The following DCUN1D5 variants were observed in gnomAD, a reference collection of about 807,000 sequenced individuals.
DCUN1D5 encodes the protein defective in cullin neddylation 1 domain containing 5.
A neutral mutation model predicts 38.3 loss-of-function variants in DCUN1D5; 10 were observed. The observed-to-expected ratio is 0.26, with a 90% confidence interval of 0.16 to 0.44. The LOEUF is 0.44. Ranked by LOEUF, DCUN1D5 falls within the 20% of genes least tolerant of loss-of-function variation. DCUN1D5 has a pLI of 1.00. For synonymous variants in DCUN1D5, 93 were observed against 90.9 expected, an observed-to-expected ratio of 1.02 and a Z score of -0.13; for missense variants, 148 against 275.3, an observed-to-expected ratio of 0.54 and a Z score of 3.27.
rs548523025 is a variant in DCUN1D5 at position 103,063,777 on chromosome 11, T to C, written c.658+498A>G. On this transcript the variant is annotated intron_variant, in intron 7 of 7. Coordinates refer to ENST00000260247, the MANE Select transcript of DCUN1D5 (RefSeq NM_032299.4). This position sits in a 1 kb window ranked among gnomAD's most constrained non-coding sequence, Gnocchi z 4.6. ...TGGACAGATATTTTAACTTGACGGA[T>C]TGAAAAATTATAACTATTTCACTAT... is the stretch of plus-strand genomic sequence containing the variant. Among the ~76,000 whole-genome samples the C allele has an allele frequency of 2.0e-5, 3 of 152,314 alleles. No individual in the cohort carries two copies. The highest frequency in any genetic ancestry group is 2.0e-4 in the Admixed American group (3 of 15,304).
In DCUN1D5 at chr11:103,087,184, T is replaced by G. The variant is rs1053464414; in HGVS notation, c.178+2043A>C. 1.3e-5 allele frequency among the ~76,000 whole-genome samples: 2 copies of G among 150,986 alleles called. No individual in the cohort carries two copies. Among genetic ancestry groups the G allele is most frequent in the African/African-American group, 4.9e-5 (2 of 41,144 alleles). ...CTTTTTTTCTTTTTCTTTTTTTTTTTTTTTGAGGCAGAGTCTCACTCTGTC... is the reference window on the plus strand; with the variant it reads ...CTTTTTTTCTTTTTCTTTTTTTTTTGTTTTGAGGCAGAGTCTCACTCTGTC... On this transcript the variant is annotated intron_variant, in intron 2 of 7. Coordinates refer to ENST00000260247, the MANE Select transcript of DCUN1D5 (RefSeq NM_032299.4). The surrounding 1 kb of genome is among the most constrained non-coding windows in gnomAD (Gnocchi z 4.1).
chr11:103,079,955 A>G (rs1862513864), intron 4 of DCUN1D5: 2 of 152,206 alleles, frequency 1.3e-5, no homozygotes, highest in South Asian at 4.1e-4. Context: ...ATACCCACAA[A>G]TTCTTTCACA....
chr11:103,077,869 T>C lies in DCUN1D5; in HGVS notation c.341+4879A>G, dbSNP rs779316669. The stretch of plus-strand genomic sequence containing the variant: ...ATTTGAAAATGTGCAGAGGGGCATT[T>C]TGAAATTGTCATAATGACCTTAAGA... On this transcript the variant is annotated intron_variant, in intron 4 of 7. Transcript: ENST00000260247. This position sits in a 1 kb window ranked among gnomAD's most constrained non-coding sequence, Gnocchi z 4.3. Among the ~76,000 whole-genome samples the C allele has an allele frequency of 6.6e-6, 1 of 152,186 alleles. No homozygotes were observed. The highest frequency in any genetic ancestry group is 1.5e-5 in the Non-Finnish European group (1 of 68,034).
In DCUN1D5 at chr11:103,071,636, T is replaced by C. The variant is rs1022305170; in HGVS notation, c.342-5069A>G. Among the ~76,000 whole-genome samples, 1 of 150,750 alleles carries C rather than the reference T, an allele frequency of 6.6e-6. No homozygotes were observed. The highest frequency in any genetic ancestry group is 2.4e-5 in the African/African-American group (1 of 41,250). On this transcript the variant is annotated intron_variant, in intron 4 of 7. Transcript: ENST00000260247. The surrounding 1 kb of genome is among the most constrained non-coding windows in gnomAD (Gnocchi z 4.1). ...CAGATTTTTACATAGATATAAAAAT[T>C]CTACATATGTAACAATTTTTCTACA...
intron 2 of DCUN1D5, among the ~76,000 whole-genome samples, chr11:103,084,394 G>A (rs1414835728): frequency 6.6e-6 from 1 of 152,146 alleles, no homozygotes; most frequent in East Asian, 1.9e-4. Flanking sequence ...TGCTGCCTGA[G>A]ATCCAAGCTG....
At chr11:103,069,012 G>C (rs1016540489) in intron 4 of DCUN1D5, among the ~76,000 whole-genome samples, 8 of 152,148 alleles carry the variant, frequency 5.3e-5, no homozygotes, top group Admixed American at 5.2e-4. Flanking sequence ...AATAAGTATA[G>C]ACGAATGCTT....
chr11:103,085,374 T>C (rs1862676636), intron 2 of DCUN1D5, among the ~76,000 whole-genome samples: 1 of 152,142 alleles, frequency 6.6e-6, no homozygotes, highest in Non-Finnish European at 1.5e-5. Context: ...GTGGCAGAGG[T>C]TGCAGTGAGC....
chr11:103,062,477 A>G lies in DCUN1D5; in HGVS notation c.659-63T>C. ...AACTCATCTCTCCAATTATAAAACA[A>G]ACTCCCCACGAGCTCTGCAATGACA... On this transcript the variant is annotated intron_variant, in intron 7 of 7. Coordinates refer to ENST00000260247, the MANE Select transcript of DCUN1D5 (RefSeq NM_032299.4). This position sits in a 1 kb window ranked among gnomAD's most constrained non-coding sequence, Gnocchi z 4.6. 7.0e-7 allele frequency: 1 copy of G among 1,418,520 alleles called. No homozygotes were observed. The highest frequency in any genetic ancestry group is 9.9e-7 in the Non-Finnish European group (1 of 1,010,858). The allele number at this position is 1,418,520 out of a possible 1,614,324, so 87.9% of individuals were successfully genotyped here.
intron 3 of DCUN1D5, 147 bp from the exon 4 acceptor site, chr11:103,082,986 A>G (rs1862604793): frequency 1.0e-5 from 7 of 667,698 alleles, no homozygotes; most frequent in Non-Finnish European, 1.8e-5. Context: ...ACTATATACA[A>G]AGAAATTGAG....
chr11:103,061,019 C>G lies in DCUN1D5; in HGVS notation c.*1340G>C. ...GTTTCAGAAAACTGTACAAAGTAAT[C>G]TTATTAAGAAGGCAAGTAAAACAGT... is the stretch of plus-strand genomic sequence containing the variant. On this transcript the variant is annotated 3_prime_UTR_variant, in exon 8 of 8. Transcript: ENST00000260247. Among the ~76,000 whole-genome samples, 1 of 152,080 alleles carries G rather than the reference C, an allele frequency of 6.6e-6. No individual in the cohort carries two copies. The highest frequency in any genetic ancestry group is 1.5e-5 in the Non-Finnish European group (1 of 67,984).
At position 103,065,227 on chromosome 11, in the gene DCUN1D5, C is replaced by T. The variant is rs1412712732; in HGVS notation, c.556-850G>A. Among the ~76,000 whole-genome samples the T allele has an allele frequency of 6.6e-6, 1 of 151,804 alleles. No homozygotes were observed. Among genetic ancestry groups the T allele is most frequent in the Non-Finnish European group, 1.5e-5 (1 of 67,994 alleles). Reference sequence around the variant, plus strand: ...AGTGTAGTGGTGCAATCTCAGCTTACTGCAACCTCCACCTCCCTGGTTCAA... The same window carrying T: ...AGTGTAGTGGTGCAATCTCAGCTTATTGCAACCTCCACCTCCCTGGTTCAA... On this transcript the variant is annotated intron_variant, in intron 6 of 7. Coordinates refer to ENST00000260247, the MANE Select transcript of DCUN1D5 (RefSeq NM_032299.4). This position sits in a 1 kb window ranked among gnomAD's most constrained non-coding sequence, Gnocchi z 4.6.
In DCUN1D5 at chr11:103,051,928, C is replaced by T. The variant is rs1460844154; in HGVS notation, c.*10431G>A. 1.3e-5 allele frequency: 2 copies of T among 152,198 alleles called. No individual in the cohort carries two copies. Among genetic ancestry groups the T allele is most frequent in the Admixed American group, 1.3e-4 (2 of 15,270 alleles). 9.4% of individuals were successfully genotyped at this position (152,198 alleles called of 1,614,324 possible). On this transcript the variant is annotated 3_prime_UTR_variant, in exon 8 of 8. Coordinates refer to ENST00000260247, the MANE Select transcript of DCUN1D5 (RefSeq NM_032299.4). The stretch of plus-strand genomic sequence containing the variant: ...AGTAGCCCCAGCCTTCATCGCGTCT[C>T]ATCTGCTCTGAAAATCCACTTTGAC...
rs936184644 is a variant in DCUN1D5, at chr11:103,073,420, T to C, written c.342-6853A>G. Among the ~76,000 whole-genome samples the C allele has an allele frequency of 6.6e-6, 1 of 152,166 alleles. No homozygotes were observed. Among genetic ancestry groups the C allele is most frequent in the African/African-American group, 2.4e-5 (1 of 41,444 alleles). ...CCAAAATCTCAGCAAGATATTTTTGTAAAGAAAAGACTATTCTAAAATTTA... is the reference window on the plus strand; with the variant it reads ...CCAAAATCTCAGCAAGATATTTTTGCAAAGAAAAGACTATTCTAAAATTTA... On this transcript the variant is annotated intron_variant, in intron 4 of 7. Transcript: ENST00000260247. The surrounding 1 kb of genome is among the most constrained non-coding windows in gnomAD (Gnocchi z 4.2).
intron 4 of DCUN1D5, among the ~76,000 whole-genome samples, chr11:103,072,529 A>C (rs887357505): frequency 3.3e-4 from 50 of 152,148 alleles, no homozygotes; most frequent in African/African-American, 1.2e-3. Flanking sequence ...CATCAATGAT[A>C]GACTGGATTA....
Position 103,053,306 on chromosome 11 carries a change from C to T in DCUN1D5, c.*9053G>A, listed in dbSNP as rs1055641821. The T allele has an allele frequency of 2.7e-5, 4 of 149,982 alleles. No individual in the cohort carries two copies. The highest frequency in any genetic ancestry group is 1.3e-4 in the Admixed American group (2 of 14,864). 9.3% of individuals were successfully genotyped at this position (149,982 alleles called of 1,614,324 possible). On this transcript the variant is annotated 3_prime_UTR_variant, in exon 8 of 8. Coordinates refer to ENST00000260247, the MANE Select transcript of DCUN1D5 (RefSeq NM_032299.4). The surrounding 1 kb of genome is among the most constrained non-coding windows in gnomAD (Gnocchi z 4.8). The stretch of plus-strand genomic sequence containing the variant: ...CCATTTAATGAACCATTTCACTATA[C>T]TGCCTACAAAGAAAGCAAGTAATAC...
At position 103,062,530 on chromosome 11, in the gene DCUN1D5, G is replaced by T; in HGVS notation, c.659-116C>A. The T allele has an allele frequency of 1.2e-6, 1 of 854,170 alleles. No homozygotes were observed. The highest frequency in any genetic ancestry group is 1.9e-6 in the Non-Finnish European group (1 of 537,856). The allele number at this position is 854,170 out of a possible 1,614,324, so 52.9% of individuals were successfully genotyped here. On this transcript the variant is annotated intron_variant, in intron 7 of 7. Coordinates refer to ENST00000260247, the MANE Select transcript of DCUN1D5 (RefSeq NM_032299.4). The surrounding 1 kb of genome is among the most constrained non-coding windows in gnomAD (Gnocchi z 4.6). ...GGAATGACCCTTCCTTTCTTTGGGT[G>T]TTCTGCTTCTAGACACCTTATTCCA...
chr11:103,070,884 TG>T (rs1395292002), intron 4 of DCUN1D5, among the ~76,000 whole-genome samples: 2 of 151,948 alleles, frequency 1.3e-5, no homozygotes, highest in African/African-American at 4.8e-5. Flanking sequence ...CTGACAACAA[TG>T]GAATCAAACT....
chr11:103,080,461 A>G (rs1862530393), intron 4 of DCUN1D5, among the ~76,000 whole-genome samples: 1 of 152,190 alleles, frequency 6.6e-6, no homozygotes, highest in Admixed American at 6.5e-5. Flanking sequence ...GACTTGGCCA[A>G]TTGAAGAAAA....
At chr11:103,085,566 A>G (rs980427498) in intron 2 of DCUN1D5, among the ~76,000 whole-genome samples, 1 of 152,244 alleles carries the variant, frequency 6.6e-6, no homozygotes, top group African/African-American at 2.4e-5. Flanking sequence ...ATAATACCTT[A>G]TAACTTAGAT....
Sources: allele counts gnomAD v4.1 joint callset (sites outside exome capture counted in the v4.1 genomes callset), GRCh38; gene constraint gnomAD v4.1.1; non-coding constraint Gnocchi (gnomAD v3.1); transcripts MANE v1.5; gene names NCBI Gene and HGNC (gene_info 2026-07-23, HGNC 2026-07-21).